Variants in SLC16A1 observed in about 807,000 individuals in gnomAD.
SLC16A1 encodes the protein solute carrier family 16 member 1, also known as monocarboxylate transporter 1.
In SLC16A1, 11 loss-of-function variants were observed where a neutral mutation model predicts 32.2. That is an observed-to-expected ratio of 0.34 (90% confidence interval 0.21 to 0.56). The LOEUF (loss-of-function observed/expected upper bound fraction) is 0.56. Ranked by LOEUF, SLC16A1 falls within the 20% of genes least tolerant of loss-of-function variation. The pLI, the probability that SLC16A1 is intolerant of heterozygous loss-of-function variation, is 0.87. For missense variants in SLC16A1, 435 were observed against 615.0 expected, an observed-to-expected ratio of 0.71 and a Z score of 3.10; for synonymous variants, 231 against 226.8, an observed-to-expected ratio of 1.02 and a Z score of -0.17.
At chr1:112,943,301 G>T (rs1361082185) in intron 1 of SLC16A1, among the ~76,000 whole-genome samples, 1 of 147,348 alleles carries the variant, frequency 6.8e-6, no homozygotes, top group Non-Finnish European at 1.5e-5. Flanking sequence ...TGCGCCCGGA[G>T]TCCCAGCTAC....
At chr1:112,941,950 T>C (rs1649526166) in intron 1 of SLC16A1, among the ~76,000 whole-genome samples, 1 of 152,004 alleles carries the variant, frequency 6.6e-6, no homozygotes, top group South Asian at 2.1e-4. Context: ...CACCTCTCTC[T>C]GTCCACTGCA....
chr1:112,916,171 CTTTTTT>C (rs11299751), intron 4 of SLC16A1, among the ~76,000 whole-genome samples: 2 of 119,538 alleles, frequency 1.7e-5, no homozygotes, highest in Non-Finnish European at 3.6e-5. Context: ...CTGAAATAAA[CTTTTTT>C]TTTTTTTTTT....
chr1:112,947,363 C>G (rs1308065279), intron 1 of SLC16A1, among the ~76,000 whole-genome samples: 4 of 152,022 alleles, frequency 2.6e-5, no homozygotes, highest in African/African-American at 9.7e-5. Context: ...AATGAGTATT[C>G]GAATATATTA....
intron 1 of SLC16A1, among the ~76,000 whole-genome samples, chr1:112,944,869 T>G (rs879322752): frequency 2.0e-5 from 3 of 152,094 alleles, no homozygotes; most frequent in Admixed American, 2.0e-4. Flanking sequence ...CTTTTTATAT[T>G]TTTAGTAGAC....
chr1:112,949,275 T>C (rs1415664323), intron 1 of SLC16A1, among the ~76,000 whole-genome samples: 1 of 152,068 alleles, frequency 6.6e-6, no homozygotes, highest in African/African-American at 2.4e-5. Flanking sequence ...TCTCGAACTC[T>C]CAACCTCAGG....
In SLC16A1 at chr1:112,914,112, C is replaced by T. The variant is rs536012651; in HGVS notation, c.1282G>A (p.Val428Ile). Residue 428 changes from valine (V) to isoleucine (I), a missense_variant, in exon 5 of 5, where the codon GTC (valine) becomes ATC (isoleucine). Around this residue, in one of 2 missense-constraint regions of SLC16A1, gnomAD observed 111 missense variants for 114.7 expected, o/e 0.97. Transcript: ENST00000369626. ...TAGATACCTGAAATAATTAGGACGA[C>T]GCCACATGCCCAGTATGTGTATTTG... ...DYKYTYWACG[V>I]VLIISGIYLF... The T allele has an allele frequency of 3.0e-4, 489 of 1,614,160 alleles. 8 individuals carry two copies. In the East Asian group the frequency reaches 8.0e-3, roughly 27 times the overall value.
At chr1:112,953,022 C>T (rs1649951198) in intron 1 of SLC16A1, among the ~76,000 whole-genome samples, 1 of 152,208 alleles carries the variant, frequency 6.6e-6, no homozygotes, top group Non-Finnish European at 1.5e-5. Context: ...CTACCAAATC[C>T]TGTCTTGTCC....
chr1:112,924,116 T>A, intron 2 of SLC16A1: 2 of 1,377,400 alleles, frequency 1.5e-6, no homozygotes, highest in South Asian at 2.3e-5. Flanking sequence ...AGGCCGCGTA[T>A]GGCGCCAGCG....
chr1:112,948,316 T>C (rs1030226999), intron 1 of SLC16A1, among the ~76,000 whole-genome samples: 4 of 152,154 alleles, frequency 2.6e-5, no homozygotes, highest in Admixed American at 1.3e-4. Context: ...GCAAAGCTTT[T>C]TGGGAAGATA....
At chr1:112,948,596 C>T (rs1487787874) in intron 1 of SLC16A1, among the ~76,000 whole-genome samples, 2 of 151,774 alleles carry the variant, frequency 1.3e-5, no homozygotes, top group African/African-American at 2.4e-5. Flanking sequence ...CTCCGTCTCC[C>T]GGGTTCAAGC....
intron 3 of SLC16A1, among the ~76,000 whole-genome samples, chr1:112,919,927 TTTC>T (rs1478805110): frequency 6.6e-6 from 1 of 151,968 alleles, no homozygotes; most frequent in Non-Finnish European, 1.5e-5. Context: ...ACCTGATATT[TTTC>T]TTATTTATTA....
chr1:112,914,373 G>A (rs1008641817), intron 4 of SLC16A1, among the ~76,000 whole-genome samples: 3 of 152,172 alleles, frequency 2.0e-5, no homozygotes, highest in South Asian at 2.1e-4. Flanking sequence ...TGCATATTCT[G>A]TTATTTTTAG....
intron 1 of SLC16A1, among the ~76,000 whole-genome samples, chr1:112,934,439 T>C (rs1570635587): frequency 6.6e-6 from 1 of 152,342 alleles, no homozygotes; most frequent in East Asian, 1.9e-4. Context: ...AGATAACTTT[T>C]AGGGTAAATG....
At chr1:112,953,413 T>C (rs1649967957) in intron 1 of SLC16A1, among the ~76,000 whole-genome samples, 1 of 152,224 alleles carries the variant, frequency 6.6e-6, no homozygotes, top group Non-Finnish European at 1.5e-5. Flanking sequence ...TCCACCCGCC[T>C]TGGCCTCCCA....
chr1:112,932,172 T>TCTA (rs2101636371), intron 1 of SLC16A1, among the ~76,000 whole-genome samples: 1 of 152,136 alleles, frequency 6.6e-6, no homozygotes, highest in African/African-American at 2.4e-5. Context: ...TACACAACAT[T>TCTA]CTACTATAGG....
At chr1:112,947,023 G>T (rs1029743275) in intron 1 of SLC16A1, among the ~76,000 whole-genome samples, 3 of 152,048 alleles carry the variant, frequency 2.0e-5, no homozygotes, top group Admixed American at 2.0e-4. Context: ...TTATTTCTTG[G>T]TTGGCCAGGA....
chr1:112,952,360 C>G (rs567517413), intron 1 of SLC16A1, among the ~76,000 whole-genome samples: 1 of 152,192 alleles, frequency 6.6e-6, no homozygotes, highest in African/African-American at 2.4e-5. Context: ...AAGGAAAATA[C>G]ATTACGAGGA....
intron 3 of SLC16A1, 149 bp from the exon 4 acceptor site, chr1:112,918,193 CAG>C: frequency 1.8e-6 from 1 of 552,808 alleles, no homozygotes; most frequent in Non-Finnish European, 2.5e-6. Context: ...ACTTCTAAAA[CAG>C]ACATGGGTTC....
Position 112,914,087 on chromosome 1 carries a change from T to C in SLC16A1, c.1307A>G (p.Tyr436Cys), listed in dbSNP as rs763581872. The C allele has an allele frequency of 2.5e-5, 41 of 1,614,224 alleles. No homozygotes were observed. Among genetic ancestry groups the C allele is most frequent in the Non-Finnish European group, 3.1e-5 (36 of 1,180,028 alleles). ...CGVVLIISGIYLFIGMGINYR... is the reference protein window; with the variant it reads ...CGVVLIISGICLFIGMGINYR... ...ATTGATGCCCATGCCAATGAAGAGATAGATACCTGAAATAATTAGGACGAC... is the reference window on the plus strand; with the variant it reads ...ATTGATGCCCATGCCAATGAAGAGACAGATACCTGAAATAATTAGGACGAC... Residue 436 changes from tyrosine to cysteine, a missense_variant, in exon 5 of 5, where the codon TAT becomes TGT. Physicochemically the swap from Tyr to Cys is radical, Grantham distance 194 (BLOSUM62 -2). Coordinates refer to ENST00000369626, the MANE Select transcript of SLC16A1 (RefSeq NM_003051.4).
Sources: gnomAD v4.1 joint callset for allele counts (sites outside exome capture counted in the v4.1 genomes callset) on GRCh38, gnomAD v4.1.1 for gene constraint, gnomAD v4.1.1 regional missense constraint, MANE v1.5 for transcripts, NCBI Gene and HGNC (gene_info 2026-07-23, HGNC 2026-07-21) for gene names.